The following OXCT1 variants were observed in gnomAD, a reference collection of about 807,000 sequenced individuals.
OXCT1 encodes succinyl-CoA:3-ketoacid coenzyme A transferase 1, mitochondrial.
A neutral mutation model predicts 69.6 loss-of-function variants in OXCT1; 27 were observed. The observed-to-expected ratio is 0.39, with a 90% CI of 0.29 to 0.54. OXCT1 has a LOEUF of 0.54. Ranked by LOEUF, OXCT1 falls within the 20% of genes least tolerant of loss-of-function variation. The pLI is 0.72. For missense variants in OXCT1, 437 were observed against 650.2 expected (o/e 0.67, Z 3.57); for synonymous variants, 202 against 217.8 (o/e 0.93, Z 0.64).
chr5:41,833,962 C>A (rs1351127388), intron 7 of OXCT1, among the ~76,000 whole-genome samples: 1 of 151,276 alleles, frequency 6.6e-6, no homozygotes, highest in East Asian at 1.9e-4. Context: ...CTTACGAGAT[C>A]ATGCCACTGT....
chr5:41,770,039 C>T (rs1467299891), intron 13 of OXCT1, among the ~76,000 whole-genome samples: 4 of 152,318 alleles, frequency 2.6e-5, no homozygotes, highest in Middle Eastern at 3.4e-3. Flanking sequence ...GGATTACAGG[C>T]GTGAGCCACC....
chr5:41,835,357 C>CA (rs1362637854), intron 7 of OXCT1, among the ~76,000 whole-genome samples: 3 of 152,168 alleles, frequency 2.0e-5, no homozygotes, highest in Non-Finnish European at 4.4e-5. Flanking sequence ...AATTTTAAAA[C>CA]AATGGCACAT....
intron 13 of OXCT1, among the ~76,000 whole-genome samples, chr5:41,780,612 G>T (rs770660732): frequency 6.6e-6 from 1 of 152,008 alleles, no homozygotes; most frequent in Non-Finnish European, 1.5e-5. Context: ...AATTATTATA[G>T]CTGATAAGAA....
At chr5:41,857,660 C>T (rs914566419) in intron 3 of OXCT1, among the ~76,000 whole-genome samples, 3 of 152,208 alleles carry the variant, frequency 2.0e-5, no homozygotes, top group African/African-American at 7.2e-5. Context: ...GTCCTAGTAA[C>T]AGCTCCCTGC....
chr5:41,765,651 C>G (rs1744563699), intron 13 of OXCT1, among the ~76,000 whole-genome samples: 2 of 152,236 alleles, frequency 1.3e-5, no homozygotes, highest in Non-Finnish European at 2.9e-5. Flanking sequence ...TACTACTGCT[C>G]CCTGAGTGAG....
At chr5:41,828,530 A>G (rs895062907) in intron 7 of OXCT1, among the ~76,000 whole-genome samples, 1 of 152,162 alleles carries the variant, frequency 6.6e-6, no homozygotes, top group Non-Finnish European at 1.5e-5. Flanking sequence ...ATGTAATTAT[A>G]TCATATTAAT....
At chr5:41,779,766 C>T (rs565884508) in intron 13 of OXCT1, among the ~76,000 whole-genome samples, 1 of 148,392 alleles carries the variant, frequency 6.7e-6, no homozygotes, top group African/African-American at 2.5e-5. Context: ...TTCCAAAAAG[C>T]AATGTAAAGA....
chr5:41,840,672 T>A (rs2112400784), intron 6 of OXCT1, among the ~76,000 whole-genome samples, 161 bp from the exon 7 acceptor site: 1 of 152,326 alleles, frequency 6.6e-6, no homozygotes, highest in South Asian at 2.1e-4. Flanking sequence ...GTTTCATAAA[T>A]ATCTCATAAA....
chr5:41,769,673 G>C (rs773337374), intron 13 of OXCT1, among the ~76,000 whole-genome samples: 12 of 151,862 alleles, frequency 7.9e-5, no homozygotes, highest in Non-Finnish European at 1.8e-4. Context: ...AGGCCATGCT[G>C]AGCAGCCACT....
At chr5:41,736,868 C>T (rs1742908897) in intron 16 of OXCT1, among the ~76,000 whole-genome samples, 1 of 152,124 alleles carries the variant, frequency 6.6e-6, no homozygotes, top group Non-Finnish European at 1.5e-5. Context: ...AGTGTATAGT[C>T]ACATATGGAG....
At chr5:41,830,527 T>C (rs527672519) in intron 7 of OXCT1, among the ~76,000 whole-genome samples, 5 of 152,318 alleles carry the variant, frequency 3.3e-5, no homozygotes, top group Admixed American at 2.0e-4. Context: ...TAAGTTCACA[T>C]AGTGAATGCC....
chr5:41,812,393 G>T (rs1186998766), intron 7 of OXCT1, among the ~76,000 whole-genome samples: 2 of 151,986 alleles, frequency 1.3e-5, no homozygotes, highest in Non-Finnish European at 2.9e-5. Context: ...TATGAAAAAG[G>T]GTTATATTGA....
chr5:41,864,624 C>G (rs1249053603), intron 1 of OXCT1, among the ~76,000 whole-genome samples: 3 of 152,098 alleles, frequency 2.0e-5, no homozygotes, highest in African/African-American at 7.2e-5. Flanking sequence ...CTAATCCAAC[C>G]AATTCATTTC....
chr5:41,862,233 T>A (rs1217269710), intron 2 of OXCT1, among the ~76,000 whole-genome samples: 1 of 152,060 alleles, frequency 6.6e-6, no homozygotes, highest in Admixed American at 6.5e-5. Flanking sequence ...GAAGCAGCAA[T>A]AGAATTGGCA....
intron 15 of OXCT1, among the ~76,000 whole-genome samples, chr5:41,741,521 G>C (rs1743168753): frequency 6.6e-6 from 1 of 152,146 alleles, no homozygotes; most frequent in East Asian, 1.9e-4. Context: ...CACCATCCCT[G>C]AGACAGTGGG....
In OXCT1 at chr5:41,782,819, G is replaced by C. The variant is rs535060249; in HGVS notation, c.1248+11184C>G. 4.6e-5 allele frequency among the ~76,000 whole-genome samples: 7 copies of C among 152,302 alleles called. No individual in the cohort carries two copies. The South Asian group carries it at 1.5e-3, about 32-fold the overall frequency. On this transcript the variant is annotated intron_variant, in intron 13 of 16. Coordinates refer to ENST00000196371, the MANE Select transcript of OXCT1 (RefSeq NM_000436.4). ...TAAACTTTCCCCTGTGTAGTGGAAA[G>C]AGCATCCCTACAAAACTACAGACAG...
chr5:41,794,036 G>A lies in OXCT1; in HGVS notation c.1215C>T (p.Ser405=), dbSNP rs1187175085. The change falls in exon 13 of 17, where the codon TCC becomes TCT. Residue 405 remains serine, a synonymous_variant. Coordinates refer to ENST00000196371, the MANE Select transcript of OXCT1 (RefSeq NM_000436.4). ...TCCAGTTAGCCAGGTCACCATATTT[G>A]GAAACCTGCATCGCTCCTAGCATTG... ...DLTMLGAMQV[S]KYGDLANWMI... The A allele has an allele frequency of 6.2e-7, 1 of 1,612,896 alleles. No individual in the cohort carries two copies. The highest frequency in any genetic ancestry group is 1.7e-5 in the Admixed American group (1 of 59,978).
At chr5:41,778,822 A>G (rs1457036835) in intron 13 of OXCT1, among the ~76,000 whole-genome samples, 1 of 152,206 alleles carries the variant, frequency 6.6e-6, no homozygotes, top group Non-Finnish European at 1.5e-5. Context: ...GCTTTGACAC[A>G]AAGTTCTTAG....
At chr5:41,797,442 T>G (rs1271310194) in intron 11 of OXCT1, among the ~76,000 whole-genome samples, 1 of 152,210 alleles carries the variant, frequency 6.6e-6, no homozygotes. Context: ...ATCCTAAAAT[T>G]GAATCCATGA....
Sources: allele counts gnomAD v4.1 joint callset (sites outside exome capture counted in the v4.1 genomes callset), GRCh38; gene constraint gnomAD v4.1.1; transcripts MANE v1.5; gene names NCBI Gene and HGNC (gene_info 2026-07-23, HGNC 2026-07-21).